METAP1: variants seen among roughly 807,000 people sequenced by gnomAD.
METAP1 encodes methionine aminopeptidase 1.
METAP1 carries 28 observed loss-of-function variants against 53.8 expected under a neutral mutation model. The observed-to-expected ratio is 0.52, with a 90% CI of 0.39 to 0.71. The LOEUF is 0.71. Ranked by LOEUF, METAP1 falls within the 30% of genes least tolerant of loss-of-function variation. METAP1 has a pLI of 0.00. For synonymous variants in METAP1, 181 were observed against 165.7 expected, an observed-to-expected ratio of 1.09 and a Z score of -0.71; for missense variants, 389 against 479.8, an observed-to-expected ratio of 0.81 and a Z score of 1.77.
At chr4:99,030,456 A>T (rs1259316175) in intron 2 of METAP1, among the ~76,000 whole-genome samples, 2 of 152,114 alleles carry the variant, frequency 1.3e-5, no homozygotes, top group Non-Finnish European at 2.9e-5. Flanking sequence ...ATCTTTTGGG[A>T]TAACTTTTTT....
intron 9 of METAP1, among the ~76,000 whole-genome samples, chr4:99,055,590 G>A (rs1642946090): frequency 6.6e-6 from 1 of 152,132 alleles, no homozygotes; most frequent in Non-Finnish European, 1.5e-5. Flanking sequence ...TGTTGAGTGA[G>A]GTATGTTGGG....
intron 10 of METAP1, among the ~76,000 whole-genome samples, chr4:99,059,076 A>G (rs765833393): frequency 2.0e-5 from 3 of 152,256 alleles, no homozygotes; most frequent in Non-Finnish European, 2.9e-5. Flanking sequence ...ACGTATTTCC[A>G]TTAACTAGCA....
intron 5 of METAP1, among the ~76,000 whole-genome samples, chr4:99,040,032 A>G (rs1321752513): frequency 6.6e-6 from 1 of 152,212 alleles, no homozygotes; most frequent in Non-Finnish European, 1.5e-5. Flanking sequence ...CGGTTTAGCC[A>G]TGCTTTTCAT....
At chr4:99,045,420 CTACCTGAG>C in intron 8 of METAP1, 110 bp downstream of exon 8, 3 of 1,199,408 alleles carry the variant, frequency 2.5e-6, no homozygotes, top group Non-Finnish European at 3.4e-6. Context: ...TGCCCCTGTT[CTACCTGAG>C]TTAGCTTTGG....
intron 1 of METAP1, among the ~76,000 whole-genome samples, chr4:99,024,445 G>C (rs1724406617): frequency 6.6e-6 from 1 of 152,166 alleles, no homozygotes; most frequent in Non-Finnish European, 1.5e-5. Context: ...ATTTGGTTGG[G>C]GGGTGGGCAG....
chr4:99,061,088 C>A, intron 10 of METAP1, 66 bp from the exon 11 acceptor site: 1 of 1,524,600 alleles, frequency 6.6e-7, no homozygotes, highest in Non-Finnish European at 8.9e-7. Context: ...TTTTCCTTGG[C>A]TTTCTTCTTG....
intron 9 of METAP1, among the ~76,000 whole-genome samples, chr4:99,057,086 A>G (rs1727197371): frequency 6.6e-6 from 1 of 152,156 alleles, no homozygotes; most frequent in Non-Finnish European, 1.5e-5. Flanking sequence ...GCTGGTCTCA[A>G]ACTCCTGACC....
rs1376125857 is a variant in METAP1, at chr4:99,032,653, G to A, written c.167-1577G>A. 6.0e-4 allele frequency among the ~76,000 whole-genome samples: 91 copies of A among 152,280 alleles called. 1 individual carries two copies. The highest frequency in any genetic ancestry group is 5.9e-5 in the Non-Finnish European group (4 of 68,016). On this transcript the variant is annotated intron_variant, in intron 2 of 10. Transcript: ENST00000296411. ...CCCCAGAAGTATGCTAGTGCAAAAA[G>A]CCTGCGTCTTGATTGCTTTTCTCTC...
chr4:99,048,921 A>G (rs369023103), intron 9 of METAP1, 45 bp downstream of exon 9: 3 of 1,579,588 alleles, frequency 1.9e-6, no homozygotes, highest in Admixed American at 1.8e-5. Flanking sequence ...CATTTATTCA[A>G]CAAATACTTA....
rs17028446 is a variant in METAP1 at position 99,051,260 on chromosome 4, C to A, written c.931+2384C>A. On this transcript the variant is annotated intron_variant, in intron 9 of 10. Transcript: ENST00000296411. ...ATTTATGGGAGAAGGGGATTTTGGT[C>A]AGTGGTTATAGTGTCAGCAAAATAT... Among the ~76,000 whole-genome samples, 1,097 of 152,122 alleles carry A rather than the reference C, an allele frequency of 7.2e-3. 9 individuals carry two copies. The highest frequency in any genetic ancestry group is 0.025 in the African/African-American group (1,038 of 41,502).
Position 99,062,601 on chromosome 4 carries a change from C to T in METAP1, c.*1284C>T, listed in dbSNP as rs1345938108. On this transcript the variant is annotated 3_prime_UTR_variant, in exon 11 of 11. Coordinates refer to ENST00000296411, the MANE Select transcript of METAP1 (RefSeq NM_015143.3). ...TAAGAGAACATCTTTCCCAGAGTGC[C>T]TCAGACCTTATTGCTTTAAAATATA... 1 of 152,586 alleles carries T rather than the reference C, an allele frequency of 6.6e-6. No homozygotes were observed. Among genetic ancestry groups the T allele is most frequent in the African/African-American group, 2.4e-5 (1 of 41,428 alleles). 9.5% of individuals were successfully genotyped at this position (152,586 alleles called of 1,614,324 possible). A position where few individuals can be genotyped will look rare whatever the true frequency, so the allele number is the denominator to read the frequency against.
rs186438810 is a variant in METAP1 at position 99,032,357 on chromosome 4, C to T, written c.167-1873C>T. Among the ~76,000 whole-genome samples, 458 of 151,950 alleles carry T rather than the reference C, an allele frequency of 3.0e-3. 2 individuals are homozygous for T. Among genetic ancestry groups the T allele is most frequent in the Non-Finnish European group, 5.1e-3 (345 of 67,948 alleles). On this transcript the variant is annotated intron_variant, in intron 2 of 10. Coordinates refer to ENST00000296411, the MANE Select transcript of METAP1 (RefSeq NM_015143.3). Reference sequence around the variant, plus strand: ...ATCCTTCTATTTCACCTCAGCCTTCCGAGTAGTTGGGATTACAGGTGTGCA... The same window carrying T: ...ATCCTTCTATTTCACCTCAGCCTTCTGAGTAGTTGGGATTACAGGTGTGCA...
intron 5 of METAP1, among the ~76,000 whole-genome samples, chr4:99,040,516 A>AGAGTACAG (rs1725780321): frequency 6.6e-6 from 1 of 150,446 alleles, no homozygotes; most frequent in Non-Finnish European, 1.5e-5. Flanking sequence ...CACTCAGGCT[A>AGAGTACAG]GAGTACAGTG....
intron 1 of METAP1, among the ~76,000 whole-genome samples, chr4:99,004,481 A>G (rs1723080237): frequency 6.5e-5 from 1 of 15,498 alleles, no homozygotes; most frequent in Admixed American, 7.1e-4. Flanking sequence ...ACACACACAC[A>G]CATACACACA....
At chr4:99,026,769 A>C in intron 1 of METAP1, 1 of 985,334 alleles carries the variant, frequency 1.0e-6, no homozygotes, top group Non-Finnish European at 1.2e-6. Context: ...TTCTTAGGAG[A>C]TGTGGGAATA....
intron 8 of METAP1, among the ~76,000 whole-genome samples, chr4:99,045,862 A>G (rs1726192024): frequency 1.3e-5 from 2 of 152,216 alleles, no homozygotes; most frequent in Admixed American, 1.3e-4. Flanking sequence ...TTTTTCAACT[A>G]TCATAGAGAT....
intron 1 of METAP1, among the ~76,000 whole-genome samples, chr4:98,998,350 C>T (rs887792266): frequency 6.6e-6 from 1 of 152,074 alleles, no homozygotes. Context: ...TGTCAAAACC[C>T]TGTCTCTACT....
At chr4:99,015,620 G>T (rs527910386) in intron 1 of METAP1, among the ~76,000 whole-genome samples, 6 of 152,168 alleles carry the variant, frequency 3.9e-5, no homozygotes, top group African/African-American at 1.2e-4. Context: ...GCTGCCATTC[G>T]GTGGGAATGA....
intron 2 of METAP1, among the ~76,000 whole-genome samples, chr4:99,030,089 T>C (rs1258059429): frequency 6.6e-6 from 1 of 152,226 alleles, no homozygotes; most frequent in Non-Finnish European, 1.5e-5. Flanking sequence ...CCTGTGTTTC[T>C]AATGTGTTAG....
Sources: gnomAD v4.1 joint callset for allele counts (sites outside exome capture counted in the v4.1 genomes callset) on GRCh38, gnomAD v4.1.1 for gene constraint, MANE v1.5 for transcripts, NCBI Gene and HGNC (gene_info 2026-07-23, HGNC 2026-07-21) for gene names.